Variants in TPRN observed in about 807,000 individuals in gnomAD.
TPRN encodes the protein chromosome 9 open reading frame 75.
Under a neutral mutation model 42.6 loss-of-function variants are expected in TPRN, and 32 were observed. The observed-to-expected ratio is 0.75, with a 90% CI of 0.57 to 1.01. The LOEUF (loss-of-function observed/expected upper bound fraction) is 1.01, where lower values mean the gene tolerates loss of function less well. Among genes scored for constraint, TPRN ranks in the 50% least tolerant of loss-of-function variants. The pLI is 0.00. For missense variants in TPRN, 1,095 were observed against 957.5 expected (o/e 1.14, Z -1.90); for synonymous variants, 541 against 445.6 (o/e 1.21, Z -2.70).
At position 137,200,000 on chromosome 9, in the gene TPRN, G is replaced by A; in HGVS notation, c.712C>T (p.Leu238Phe). Reference protein sequence around the residue: ...PEPRAGPANRLAGSPPGSGQW... With the variant: ...PEPRAGPANRFAGSPPGSGQW... ...CCCGACCCAGGCGGGGAGCCCGCGA[G>A]GCGGTTGGCAGGGCCGGCCCGGGGC... The change falls in exon 1 of 4, where the codon CTC becomes TTC. Residue 238 changes from leucine (L) to phenylalanine (F), a missense_variant. Transcript: ENST00000409012. 1 of 1,444,676 alleles carries A rather than the reference G, an allele frequency of 6.9e-7. No individual in the cohort carries two copies. The highest frequency in any genetic ancestry group is 2.5e-5 in the East Asian group (1 of 40,060). 89.5% of individuals were successfully genotyped at this position (1,444,676 alleles called of 1,614,324 possible).
chr9:137,200,162 C>A lies in TPRN; in HGVS notation c.550G>T (p.Gly184Cys). The A allele has an allele frequency of 8.4e-7, 1 of 1,188,510 alleles. No individual in the cohort carries two copies. Among genetic ancestry groups the A allele is most frequent in the Non-Finnish European group, 1.0e-6 (1 of 961,736 alleles). 73.6% of individuals were successfully genotyped at this position (1,188,510 alleles called of 1,614,324 possible). A position where few individuals can be genotyped will look rare whatever the true frequency, so the allele number is the denominator to read the frequency against. ...PSPPAAPGPR[G>C]GGASPGARRS... ...CGGGCCCCGGGGCTCGCCCCGCCAC[C>A]GCGGGGCCCGGGCGCGGCGGGCGGG... Residue 184 changes from glycine to cysteine, a missense_variant, in exon 1 of 4, where the codon GGT becomes TGT. By Grantham distance (159) the Gly-to-Cys change is radical. Transcript: ENST00000409012. This position sits in a 1 kb window ranked among gnomAD's most constrained non-coding sequence, Gnocchi z 4.3.
chr9:137,197,348 G>A (rs1834721848), intron 1 of TPRN, among the ~76,000 whole-genome samples: 1 of 152,008 alleles, frequency 6.6e-6, no homozygotes, highest in African/African-American at 2.4e-5. Flanking sequence ...TGATCCACCC[G>A]CCTCGGCCTC....
chr9:137,198,206 G>T (rs1834735512), intron 1 of TPRN, among the ~76,000 whole-genome samples: 1 of 152,226 alleles, frequency 6.6e-6, no homozygotes, highest in African/African-American at 2.4e-5. Flanking sequence ...CGCAGACCGG[G>T]AAGTCACATG....
At chr9:137,194,830 C>A (rs1221912573) in intron 1 of TPRN, 3 of 152,188 alleles carry the variant, frequency 2.0e-5, no homozygotes, top group African/African-American at 7.2e-5. Flanking sequence ...GCCTGAAGAC[C>A]CCGAGACGCA....
Position 137,191,824 on chromosome 9 carries a change from C to T in TPRN, c.*288G>A, listed in dbSNP as rs943111837. 4.5e-5 allele frequency: 23 copies of T among 511,852 alleles called. No individual in the cohort carries two copies. The highest frequency in any genetic ancestry group is 5.3e-4 in the Middle Eastern group (1 of 1,870). The allele number at this position is 511,852 out of a possible 1,614,324, so 31.7% of individuals were successfully genotyped here. ...ATGGCCAGGTGCAGAATCTGCACAG[C>T]CCCCTGCCGGGTCGCAGATGGCCAC... On this transcript the variant is annotated 3_prime_UTR_variant, in exon 4 of 4. Transcript: ENST00000409012.
In TPRN at chr9:137,200,052, C is replaced by A; in HGVS notation, c.660G>T (p.Leu220=). 7.0e-7 allele frequency: 1 copy of A among 1,434,138 alleles called. No homozygotes were observed. Among genetic ancestry groups the A allele is most frequent in the Non-Finnish European group, 9.1e-7 (1 of 1,100,688 alleles). The allele number at this position is 1,434,138 out of a possible 1,614,324, so 88.8% of individuals were successfully genotyped here. The stretch of plus-strand genomic sequence containing the variant: ...CAGGGGCCGAGTGCCCGTTGGAGAG[C>A]AGGCGGGCGCCCGCGCCGCGGTGCA... ...RGLHRGAGAR[L]LSNGHSAPEP... The change falls in exon 1 of 4, where the codon CTG becomes CTT. Residue 220 remains leucine (L), a synonymous_variant. Transcript: ENST00000409012. This position sits in a 1 kb window ranked among gnomAD's most constrained non-coding sequence, Gnocchi z 4.3.
intron 3 of TPRN, 38 bp from the exon 4 acceptor site, chr9:137,192,212 GC>G: frequency 6.2e-7 from 1 of 1,613,256 alleles, no homozygotes; most frequent in African/African-American, 1.3e-5. Flanking sequence ...ACATGGGCTC[GC>G]CCGGGTGTCA....
intron 1 of TPRN, among the ~76,000 whole-genome samples, chr9:137,198,363 G>A (rs1481881130): frequency 6.6e-6 from 1 of 152,182 alleles, no homozygotes; most frequent in African/African-American, 2.4e-5. Context: ...CAGAGCCTCC[G>A]AAGGCCCCTT....
rs1473487453 is a variant in TPRN at position 137,200,022 on chromosome 9, G to C, written c.690C>G (p.Pro230=). 12 of 1,441,792 alleles carry C rather than the reference G, an allele frequency of 8.3e-6. No homozygotes were observed. The highest frequency in any genetic ancestry group is 1.4e-5 in the African/African-American group (1 of 69,714). 89.3% of individuals were successfully genotyped at this position (1,441,792 alleles called of 1,614,324 possible). ...CGAGGCGGTTGGCAGGGCCGGCCCG[G>C]GGCTCAGGGGCCGAGTGCCCGTTGG... ...LLSNGHSAPE[P]RAGPANRLAG... Residue 230 remains proline, a synonymous_variant, in exon 1 of 4, where the codon CCC becomes CCG. Coordinates refer to ENST00000409012, the MANE Select transcript of TPRN (RefSeq NM_001128228.3). The surrounding 1 kb of genome is among the most constrained non-coding windows in gnomAD (Gnocchi z 4.3).
chr9:137,192,774 T>A (rs1308584853), intron 1 of TPRN, 83 bp from the exon 2 acceptor site: 3 of 1,495,100 alleles, frequency 2.0e-6, no homozygotes, highest in Non-Finnish European at 2.8e-6. Context: ...GCCCTCAGGA[T>A]GAGGCTGACC....
Position 137,200,053 on chromosome 9 carries a change from A to G in TPRN, c.659T>C (p.Leu220Pro). ...RGLHRGAGAR[L>P]LSNGHSAPEP... ...AGGGGCCGAGTGCCCGTTGGAGAGC[A>G]GGCGGGCGCCCGCGCCGCGGTGCAG... The change falls in exon 1 of 4, where the codon CTG becomes CCG. Residue 220 changes from leucine (L) to proline (P), a missense_variant. Physicochemically the swap from Leu to Pro is moderately conservative, Grantham distance 98. Transcript: ENST00000409012. This position sits in a 1 kb window ranked among gnomAD's most constrained non-coding sequence, Gnocchi z 4.3. The G allele has an allele frequency of 2.1e-6, 3 of 1,434,122 alleles. No homozygotes were observed. The highest frequency in any genetic ancestry group is 2.7e-6 in the Non-Finnish European group (3 of 1,100,734). 88.8% of individuals were successfully genotyped at this position (1,434,122 alleles called of 1,614,324 possible).
chr9:137,199,881 G>T lies in TPRN; in HGVS notation c.831C>A (p.Ala277=). 5 of 1,544,276 alleles carry T rather than the reference G, an allele frequency of 3.2e-6. No individual in the cohort carries two copies. The highest frequency in any genetic ancestry group is 4.4e-6 in the Non-Finnish European group (5 of 1,142,648). The change falls in exon 1 of 4, where the codon GCC becomes GCA. Residue 277 remains alanine, a synonymous_variant. Transcript: ENST00000409012. The stretch of plus-strand genomic sequence containing the variant: ...ACTGGCGCTGGCTAGGAGTGGCACT[G>T]GCAGGGGGTGAGGCTGGAGTGGCAC... The part of the protein sequence containing the change: ...TPSATPASPP[A]SATPSQRQCV...
In TPRN at chr9:137,199,034, C is replaced by T. The variant is rs1175722026; in HGVS notation, c.1678G>A (p.Ala560Thr). Residue 560 changes from alanine (A) to threonine (T), a missense_variant, in exon 1 of 4, where the codon GCC becomes ACC. By Grantham distance (58) the Ala-to-Thr change is moderately conservative. Coordinates refer to ENST00000409012, the MANE Select transcript of TPRN (RefSeq NM_001128228.3). ...HEIEVIGGYL[A>T]LQKSCLTKAG... ...TTGGTGAGGCAGGACTTCTGCAGGG[C>T]CAGGTAGCCGCCAATCACCTCGATC... The T allele has an allele frequency of 1.2e-6, 2 of 1,612,998 alleles. No homozygotes were observed. The highest frequency in any genetic ancestry group is 2.2e-5 in the East Asian group (1 of 44,894).
Position 137,197,313 on chromosome 9 carries a change from G to A in TPRN, c.1725+1674C>T, listed in dbSNP as rs536065212. Among the ~76,000 whole-genome samples, 17 of 152,200 alleles carry A rather than the reference G, an allele frequency of 1.1e-4. No homozygotes were observed. In the South Asian group the frequency reaches 3.1e-3, roughly 28 times the overall value. ...AGACGGGGTTTCACCACCTTGGCAA[G>A]GCTTGTCTTGAACTCCTGACCTCGT... On this transcript the variant is annotated intron_variant, in intron 1 of 3. Coordinates refer to ENST00000409012, the MANE Select transcript of TPRN (RefSeq NM_001128228.3).
intron 1 of TPRN, among the ~76,000 whole-genome samples, chr9:137,198,291 T>C (rs918010098): frequency 1.3e-5 from 2 of 152,232 alleles, no homozygotes; most frequent in African/African-American, 4.8e-5. Context: ...AAGATTTTTT[T>C]TCCTGTGCCC....
intron 1 of TPRN, among the ~76,000 whole-genome samples, chr9:137,198,735 G>A (rs138804101): frequency 1.6e-3 from 251 of 152,352 alleles, no homozygotes; most frequent in African/African-American, 5.3e-3. Flanking sequence ...ACATAGCACT[G>A]TCTGCCCTGT....
intron 1 of TPRN, chr9:137,193,547 T>C (rs1834660119): frequency 6.6e-6 from 1 of 152,168 alleles, no homozygotes; most frequent in Admixed American, 6.6e-5. Flanking sequence ...TGGGGACCAA[T>C]GGTCAGGACT....
At chr9:137,197,898 G>C (rs1409887547) in intron 1 of TPRN, among the ~76,000 whole-genome samples, 1 of 152,208 alleles carries the variant, frequency 6.6e-6, no homozygotes, top group East Asian at 1.9e-4. Flanking sequence ...AGATAGAGCC[G>C]GCAGGGGCAC....
At position 137,200,580 on chromosome 9, in the gene TPRN, G is replaced by A. The variant is rs907245579; in HGVS notation, c.132C>T (p.Pro44=). 2 of 1,149,120 alleles carry A rather than the reference G, an allele frequency of 1.7e-6. No individual in the cohort carries two copies. Among genetic ancestry groups the A allele is most frequent in the African/African-American group, 3.3e-5 (2 of 60,432 alleles). The allele number at this position is 1,149,120 out of a possible 1,614,324, so 71.2% of individuals were successfully genotyped here. Residue 44 remains proline (P), a synonymous_variant, in exon 1 of 4, where the codon CCC becomes CCT. Transcript: ENST00000409012. The surrounding 1 kb of genome is among the most constrained non-coding windows in gnomAD (Gnocchi z 4.3). ...GGGAGPGAAE[P]EQRVLAESLG... is the part of the protein sequence containing the mutation. ...GGCTCTCGGCCAGCACCCGCTGCTC[G>A]GGCTCCGCCGCCCCGGGCCCCGCGC...
Sources: allele counts gnomAD v4.1 joint callset (sites outside exome capture counted in the v4.1 genomes callset), GRCh38; gene constraint gnomAD v4.1.1; non-coding constraint Gnocchi (gnomAD v3.1); transcripts MANE v1.5; gene names NCBI Gene and HGNC (gene_info 2026-07-23, HGNC 2026-07-21).